Variants in FAM76B observed in about 807,000 individuals in gnomAD.
FAM76B encodes the protein protein FAM76B.
FAM76B carries 16 observed loss-of-function variants against 51.8 expected under a neutral mutation model. The ratio of observed to expected loss-of-function variants is 0.31; its 90% CI spans 0.21 to 0.47. FAM76B has a LOEUF of 0.47. Ranked by LOEUF, FAM76B falls within the 20% of genes least tolerant of loss-of-function variation. FAM76B has a pLI of 1.00. For missense variants in FAM76B, 342 were observed against 392.6 expected (o/e 0.87, Z 1.09); for synonymous variants, 166 against 129.5 (o/e 1.28, Z -1.91).
At chr11:95,782,959 T>C (rs558981730) in intron 5 of FAM76B, 106 bp downstream of exon 5, 14 of 1,417,970 alleles carry the variant, frequency 9.9e-6, no homozygotes, top group Admixed American at 1.9e-5. Flanking sequence ...CTGTGTACAA[T>C]GGAAACTAGA....
chr11:95,780,122 T>G (rs1860192300), intron 5 of FAM76B, among the ~76,000 whole-genome samples, 196 bp from the exon 6 acceptor site: 1 of 151,874 alleles, frequency 6.6e-6, no homozygotes, highest in South Asian at 2.1e-4. Flanking sequence ...ATAAAATGAC[T>G]GCTAACCATC....
At chr11:95,778,712 A>G (rs1271235023) in intron 8 of FAM76B, 110 bp downstream of exon 8, 6 of 1,316,372 alleles carry the variant, frequency 4.6e-6, no homozygotes, top group African/African-American at 3.0e-5. Context: ...TATAAAAATC[A>G]CGCACAACAA....
chr11:95,784,267 A>G (rs187352263), intron 4 of FAM76B, among the ~76,000 whole-genome samples: 72 of 152,262 alleles, frequency 4.7e-4, no homozygotes, highest in African/African-American at 1.7e-3. Flanking sequence ...GAGGGGAACA[A>G]CACACATTAG....
Position 95,769,447 on chromosome 11 carries a change from G to A in FAM76B, c.*2114C>T, listed in dbSNP as rs1454395069. On this transcript the variant is annotated 3_prime_UTR_variant, in exon 10 of 10. Coordinates refer to ENST00000358780, the MANE Select transcript of FAM76B (RefSeq NM_144664.5). ...TGGAATTTACAAAGCTAAATTATTA[G>A]ACTGTTAATGTTAGCTAACACTAAA... The A allele has an allele frequency of 6.6e-6, 1 of 152,210 alleles. No individual in the cohort carries two copies. The highest frequency in any genetic ancestry group is 1.9e-4 in the East Asian group (1 of 5,186). 9.4% of individuals were successfully genotyped at this position (152,210 alleles called of 1,614,324 possible).
At chr11:95,771,671 C>A (rs555495615) in intron 9 of FAM76B, 21 bp from the exon 10 acceptor site, 8 of 1,574,280 alleles carry the variant, frequency 5.1e-6, no homozygotes, top group Non-Finnish European at 6.1e-6. Flanking sequence ...CAAAAACATT[C>A]AAGATTAAAA....
rs375781739 is a variant in FAM76B at position 95,771,566 on chromosome 11, G to A, written c.1015C>T (p.Pro339Ser). The change falls in exon 10 of 10, where the codon CCT becomes TCT. Residue 339 changes from proline (P) to serine (S), a missense_variant. Pro to Ser is a moderately conservative substitution (Grantham distance 74, BLOSUM62 -1). Transcript: ENST00000358780. ...FDKSGSILTSP is the reference protein window; with the variant it reads ...FDKSGSILTSS ...ATGCTAAACAAATGACTTTCTCAAG[G>A]AGATGTTAGTATGCTTCCACTTTTG... is the stretch of plus-strand genomic sequence containing the variant. 8.7e-6 allele frequency: 14 copies of A among 1,602,704 alleles called. No homozygotes were observed. The highest frequency in any genetic ancestry group is 3.3e-4 in the Middle Eastern group (2 of 6,030).
At position 95,771,082 on chromosome 11, in the gene FAM76B, C is replaced by A. The variant is rs151169383; in HGVS notation, c.*479G>T. ...CACCGTGATTTTCTCCTAAATTCAT[C>A]TTGATGCAAAGTAAAAACACAATTC... On this transcript the variant is annotated 3_prime_UTR_variant, in exon 10 of 10. Coordinates refer to ENST00000358780, the MANE Select transcript of FAM76B (RefSeq NM_144664.5). 1 of 151,782 alleles carries A rather than the reference C, an allele frequency of 6.6e-6. No homozygotes were observed. Among genetic ancestry groups the A allele is most frequent in the Non-Finnish European group, 1.5e-5 (1 of 67,482 alleles). 9.4% of individuals were successfully genotyped at this position (151,782 alleles called of 1,614,324 possible).
rs1183069480 is a variant in FAM76B, at chr11:95,776,000, A to T, written c.852T>A (p.Phe284Leu). Residue 284 changes from phenylalanine (F) to leucine (L), a missense_variant, in exon 9 of 10, where the codon TTT (phenylalanine) becomes TTA (leucine). Transcript: ENST00000358780. ...DKKLTELKAD[F>L]QYQESNLRTK... ...TTCTCAAATTTGACTCTTGGTACTG[A>T]AAGTCTGCCTTTAGTTCAGTTAACT... The T allele has an allele frequency of 1.9e-6, 3 of 1,588,520 alleles. No individual in the cohort carries two copies. Among genetic ancestry groups the T allele is most frequent in the African/African-American group, 2.7e-5 (2 of 73,324 alleles).
chr11:95,775,003 GA>G (rs58327720), intron 9 of FAM76B, among the ~76,000 whole-genome samples: 15,041 of 140,856 alleles, frequency 0.11, 932 homozygotes, highest in Middle Eastern at 0.19. Context: ...GTTACAATGT[GA>G]AAAAAAAAAA....
chr11:95,774,276 A>C lies in FAM76B; in HGVS notation c.930+1646T>G, dbSNP rs373037057. 4.6e-5 allele frequency among the ~76,000 whole-genome samples: 7 copies of C among 151,408 alleles called. No individual in the cohort carries two copies. In the East Asian group the frequency reaches 7.7e-4, roughly 17 times the overall value. ...GTAAAATGGGCATATCACATAACCC[A>C]GTTTTTGCAACAAGTAAGACAGCAT... On this transcript the variant is annotated intron_variant, in intron 9 of 9. Coordinates refer to ENST00000358780, the MANE Select transcript of FAM76B (RefSeq NM_144664.5).
At chr11:95,779,371 T>G (rs1184583742) in intron 7 of FAM76B, 4 of 545,524 alleles carry the variant, frequency 7.3e-6, no homozygotes, top group Non-Finnish European at 1.2e-5. Context: ...TCCATTCAAA[T>G]TTGTTTCTTC....
At chr11:95,779,947 A>T in intron 5 of FAM76B, 21 bp from the exon 6 acceptor site, 3 of 1,594,052 alleles carry the variant, frequency 1.9e-6, no homozygotes, top group Non-Finnish European at 1.7e-6. Flanking sequence ...CACAAATGAC[A>T]TCTAATAATG....
At position 95,783,436 on chromosome 11, in the gene FAM76B, G is replaced by A. The variant is rs530488049; in HGVS notation, c.364-172C>T. On this transcript the variant is annotated intron_variant, in intron 4 of 9. Coordinates refer to ENST00000358780, the MANE Select transcript of FAM76B (RefSeq NM_144664.5). Reference sequence around the variant, plus strand: ...AACAGAAATAAAACTGGACTTTTCTGAAACTTGAGAAAATACTTGTTAGGA... The same window carrying A: ...AACAGAAATAAAACTGGACTTTTCTAAAACTTGAGAAAATACTTGTTAGGA... Among the ~76,000 whole-genome samples the A allele has an allele frequency of 2.0e-4, 30 of 152,276 alleles. 1 individual carries two copies. The highest frequency in any genetic ancestry group is 6.7e-4 in the African/African-American group (28 of 41,560).
intron 5 of FAM76B, among the ~76,000 whole-genome samples, chr11:95,782,621 A>T (rs1240967050): frequency 6.6e-6 from 1 of 152,190 alleles, no homozygotes; most frequent in African/African-American, 2.4e-5. Flanking sequence ...CTTCTATCAT[A>T]GTAACAAATT....
chr11:95,787,124 A>G (rs1322412637), intron 3 of FAM76B, among the ~76,000 whole-genome samples: 1 of 152,256 alleles, frequency 6.6e-6, no homozygotes, highest in Non-Finnish European at 1.5e-5. Context: ...CAATACATGT[A>G]AAACAGGTAT....
intron 2 of FAM76B, among the ~76,000 whole-genome samples, chr11:95,787,980 A>C (rs929942905): frequency 5.3e-5 from 8 of 152,328 alleles, no homozygotes; most frequent in Non-Finnish European, 1.2e-4. Flanking sequence ...ACCAGTGCCT[A>C]CCTAACCTTC....
At chr11:95,789,211 G>C (rs1316181468) in intron 1 of FAM76B, 181 bp downstream of exon 1, 6 of 958,416 alleles carry the variant, frequency 6.3e-6, no homozygotes, top group Non-Finnish European at 7.6e-6. Context: ...CCCTTTCAGG[G>C]TCCGTTCCCA....
rs769962712 is a variant in FAM76B, at chr11:95,787,624, C to T, written c.207G>A (p.Thr69=). The change falls in exon 3 of 10, where the codon ACG becomes ACA. Residue 69 remains threonine, a splice_region_variant and synonymous_variant. Coordinates refer to ENST00000358780, the MANE Select transcript of FAM76B (RefSeq NM_144664.5). ...ACATGAAAACATAAGACATACTTAC[C>T]GTCCCAAATTGCTTCACATTTTGAG... ...KCAQNVKQFG[T]PKPCQYCNII... is the part of the protein sequence containing the mutation. 10 of 1,609,960 alleles carry T rather than the reference C, an allele frequency of 6.2e-6. No individual in the cohort carries two copies. Among genetic ancestry groups the T allele is most frequent in the South Asian group, 4.4e-5 (4 of 90,442 alleles).
intron 9 of FAM76B, among the ~76,000 whole-genome samples, chr11:95,772,598 T>TA: frequency 6.6e-6 from 1 of 151,192 alleles, no homozygotes; most frequent in East Asian, 1.9e-4. Flanking sequence ...TAACACATTT[T>TA]AAAAAGATAT....
Sources: allele counts gnomAD v4.1 joint callset (sites outside exome capture counted in the v4.1 genomes callset), GRCh38; gene constraint gnomAD v4.1.1; transcripts MANE v1.5; gene names NCBI Gene and HGNC (gene_info 2026-07-23, HGNC 2026-07-21).